SBF2: variants seen among roughly 807,000 people sequenced by gnomAD.
SBF2 encodes SET binding factor 2.
In SBF2, 112 loss-of-function variants were observed where a neutral mutation model predicts 225.2. The ratio of observed to expected loss-of-function variants is 0.50; its 90% confidence interval spans 0.43 to 0.58. SBF2 has a LOEUF of 0.58. Among genes scored for constraint, SBF2 ranks in the 20% least tolerant of loss-of-function variants. The pLI is 0.00. For missense variants in SBF2, 1,996 were observed against 2,206.2 expected (o/e 0.90, Z 1.91); for synonymous variants, 763 against 773.3 (o/e 0.99, Z 0.22).
At chr11:10,044,294 G>T (rs1194838466) in intron 2 of SBF2, among the ~76,000 whole-genome samples, 1 of 150,852 alleles carries the variant, frequency 6.6e-6, no homozygotes, top group African/African-American at 2.4e-5. Flanking sequence ...ATGAAAGACG[G>T]GATATCAGTA....
intron 2 of SBF2, among the ~76,000 whole-genome samples, chr11:10,117,420 G>A (rs1278869566): frequency 7.9e-6 from 1 of 127,292 alleles, no homozygotes; most frequent in Non-Finnish European, 1.6e-5. Context: ...CAGCCTGGGC[G>A]ACAGAGTGAG....
At chr11:10,090,328 A>G (rs1951726568) in intron 2 of SBF2, among the ~76,000 whole-genome samples, 1 of 152,206 alleles carries the variant, frequency 6.6e-6, no homozygotes, top group Non-Finnish European at 1.5e-5. Flanking sequence ...TTAAAAAGGT[A>G]TATTTTATGT....
Position 9,996,775 on chromosome 11 carries a change from T to TA in SBF2, c.975+1490dup, listed in dbSNP as rs141753088. On this transcript the variant is annotated intron_variant, in intron 9 of 39. Transcript: ENST00000256190. ...ATGCTATTTTAAGTACACATTATAA[T>TA]AAAAACATAATTATTAAAATAAAAA... is the stretch of plus-strand genomic sequence containing the variant. Among the ~76,000 whole-genome samples, 2,072 of 152,324 alleles carry TA rather than the reference T, an allele frequency of 0.014. 152 individuals are homozygous for TA. In the East Asian group the frequency reaches 0.18, roughly 13 times the overall value.
chr11:9,887,183 TTGA>T (rs1297808215), intron 17 of SBF2, among the ~76,000 whole-genome samples: 1 of 151,770 alleles, frequency 6.6e-6, no homozygotes, highest in Non-Finnish European at 1.5e-5. Flanking sequence ...TCAAAAAAAG[TTGA>T]TAAGTTCAGA....
At chr11:9,833,565 C>T (rs1434094007) in intron 26 of SBF2, among the ~76,000 whole-genome samples, 8 of 151,744 alleles carry the variant, frequency 5.3e-5, no homozygotes, top group South Asian at 2.1e-4. Flanking sequence ...CGACTACAAG[C>T]GCCTGCCACC....
At chr11:9,929,956 A>G (rs1438265556) in intron 16 of SBF2, among the ~76,000 whole-genome samples, 1 of 152,100 alleles carries the variant, frequency 6.6e-6, no homozygotes, top group Non-Finnish European at 1.5e-5. Flanking sequence ...TCCCATGGAC[A>G]CAGGTAGGGG....
At chr11:10,199,367 C>G (rs1957493754) in intron 1 of SBF2, among the ~76,000 whole-genome samples, 1 of 151,700 alleles carries the variant, frequency 6.6e-6, no homozygotes, top group Non-Finnish European at 1.5e-5. Flanking sequence ...CACATATCAC[C>G]AAAATACATA....
At chr11:10,136,862 C>G (rs962053163) in intron 2 of SBF2, among the ~76,000 whole-genome samples, 2 of 152,178 alleles carry the variant, frequency 1.3e-5, no homozygotes, top group Non-Finnish European at 2.9e-5. Flanking sequence ...TGATTCTTCC[C>G]ACTTTTTTCT....
intron 6 of SBF2, among the ~76,000 whole-genome samples, chr11:10,012,645 A>T (rs1485874382): frequency 6.6e-6 from 1 of 152,344 alleles, no homozygotes; most frequent in African/African-American, 2.4e-5. Context: ...ATGTGCGCTC[A>T]AAGTCAGTTA....
intron 13 of SBF2, among the ~76,000 whole-genome samples, chr11:9,978,856 G>C (rs1020080977): frequency 5.9e-5 from 9 of 152,114 alleles, no homozygotes; most frequent in African/African-American, 2.2e-4. Flanking sequence ...AAAAGTAGCT[G>C]GGTGTGGTGG....
chr11:9,798,049 A>G (rs1453053376), intron 32 of SBF2, among the ~76,000 whole-genome samples: 2 of 152,130 alleles, frequency 1.3e-5, no homozygotes, highest in African/African-American at 4.8e-5. Flanking sequence ...AAACAAGCAG[A>G]TGTGACACAT....
At chr11:10,196,866 A>ATATATATATATTTTTTTTTTTT in intron 1 of SBF2, among the ~76,000 whole-genome samples, 8 of 99,310 alleles carry the variant, frequency 8.1e-5, no homozygotes, top group African/African-American at 2.8e-4. Flanking sequence ...ATATATATAT[A>ATATATATATATTTTTTTTTTTT]TTTTTTTTTT....
chr11:10,260,959 C>T (rs552994915), intron 1 of SBF2, among the ~76,000 whole-genome samples: 40 of 152,012 alleles, frequency 2.6e-4, no homozygotes, highest in South Asian at 8.3e-4. Flanking sequence ...AGCACCACTA[C>T]GTAAGTAGTA....
chr11:10,032,896 A>G (rs1390801093), intron 3 of SBF2, among the ~76,000 whole-genome samples: 1 of 151,984 alleles, frequency 6.6e-6, no homozygotes, highest in Non-Finnish European at 1.5e-5. Flanking sequence ...TTTCCCCCCT[A>G]TTCATAGAGG....
At chr11:10,125,115 A>G (rs1028671015) in intron 2 of SBF2, among the ~76,000 whole-genome samples, 1 of 151,230 alleles carries the variant, frequency 6.6e-6, no homozygotes, top group Non-Finnish European at 1.5e-5. Flanking sequence ...TCTCAAAAAA[A>G]AAAAAAAAAA....
intron 28 of SBF2, among the ~76,000 whole-genome samples, chr11:9,818,909 A>G (rs1854599141): frequency 1.3e-5 from 2 of 151,220 alleles, no homozygotes; most frequent in African/African-American, 4.9e-5. Context: ...TTTAGTAGAG[A>G]TGGGGTTTCA....
At chr11:10,123,749 A>G (rs1251348381) in intron 2 of SBF2, among the ~76,000 whole-genome samples, 1 of 152,108 alleles carries the variant, frequency 6.6e-6, no homozygotes, top group African/African-American at 2.4e-5. Flanking sequence ...TGTCTGCATT[A>G]TTCAGACCTA....
intron 2 of SBF2, among the ~76,000 whole-genome samples, chr11:10,073,138 T>C (rs1276169588): frequency 6.6e-6 from 1 of 152,068 alleles, no homozygotes; most frequent in East Asian, 1.9e-4. Context: ...CAATATGGGA[T>C]CTACAGGGTT....
chr11:10,022,636 T>A (rs1948904447), intron 6 of SBF2, among the ~76,000 whole-genome samples: 1 of 150,916 alleles, frequency 6.6e-6, no homozygotes, highest in Non-Finnish European at 1.5e-5. Flanking sequence ...CTGCCAAGAG[T>A]AACCATGCTT....
Sources: gnomAD v4.1 joint callset for allele counts (sites outside exome capture counted in the v4.1 genomes callset) on GRCh38, gnomAD v4.1.1 for gene constraint, MANE v1.5 for transcripts, NCBI Gene and HGNC (gene_info 2026-07-23, HGNC 2026-07-21) for gene names.